The following LPCAT2 variants were observed in gnomAD, a reference collection of about 807,000 sequenced individuals.
LPCAT2 encodes the protein lysophosphatidylcholine acyltransferase 2.
Under a neutral mutation model 64.7 loss-of-function variants are expected in LPCAT2, and 58 were observed. That is an observed-to-expected ratio of 0.90 (90% CI 0.73 to 1.12). The LOEUF (loss-of-function observed/expected upper bound fraction) is 1.12. Among genes scored for constraint, LPCAT2 ranks in the 50% most tolerant of loss-of-function variants. The probability of loss-of-function intolerance (pLI) is 0.00; values close to 1 mark genes in which losing one functional copy is unlikely to be tolerated. For missense variants in LPCAT2, 579 were observed against 669.8 expected (o/e 0.86, Z 1.50); for synonymous variants, 252 against 245.3 (o/e 1.03, Z -0.26).
At chr16:55,529,045 G>A (rs1279990271) in intron 3 of LPCAT2, among the ~76,000 whole-genome samples, 1 of 152,186 alleles carries the variant, frequency 6.6e-6, no homozygotes, top group African/African-American at 2.4e-5. Context: ...ATCTCCATGA[G>A]GGACCTATGT....
intron 13 of LPCAT2, among the ~76,000 whole-genome samples, chr16:55,582,188 C>A (rs1461417505): frequency 6.6e-6 from 1 of 152,108 alleles, no homozygotes. Context: ...CATGTAACTA[C>A]CATTCAAGTC....
rs574193192 is a variant in LPCAT2 at position 55,528,711 on chromosome 16, CAT to C, written c.529+120_529+121del. ...AAAAGTTTAAAATAAACATTTCAAA[CAT>C]ATTTACTTTATTGTAATAAGTTACT... On this transcript the variant is annotated intron_variant, in intron 3 of 13. Coordinates refer to ENST00000262134, the MANE Select transcript of LPCAT2 (RefSeq NM_017839.5). The C allele has an allele frequency of 2.3e-4, 170 of 750,034 alleles. No homozygotes were observed. In the African/African-American group the frequency reaches 2.8e-3, roughly 12 times the overall value. 46.5% of individuals were successfully genotyped at this position (750,034 alleles called of 1,614,324 possible).
At chr16:55,521,909 G>A (rs1313161690) in intron 1 of LPCAT2, among the ~76,000 whole-genome samples, 1 of 150,702 alleles carries the variant, frequency 6.6e-6, no homozygotes, top group Non-Finnish European at 1.5e-5. Flanking sequence ...GTAAAATATT[G>A]AATCTGTTTC....
At chr16:55,574,077 C>T (rs1388653450) in intron 11 of LPCAT2, among the ~76,000 whole-genome samples, 4 of 152,144 alleles carry the variant, frequency 2.6e-5, no homozygotes, top group African/African-American at 9.7e-5. Context: ...GTGATGTCCC[C>T]CAGGGCTATT....
chr16:55,543,252 G>T (rs1403185507), intron 8 of LPCAT2, among the ~76,000 whole-genome samples: 1 of 152,098 alleles, frequency 6.6e-6, no homozygotes, highest in Non-Finnish European at 1.5e-5. Flanking sequence ...TATTCCTTAA[G>T]AATAAGATGT....
In LPCAT2 at chr16:55,586,626, G is replaced by C. The variant is rs1377012592; in HGVS notation, c.*3528G>C. The C allele has an allele frequency of 7.5e-6, 1 of 132,960 alleles. No homozygotes were observed. Among genetic ancestry groups the C allele is most frequent in the Non-Finnish European group, 1.5e-5 (1 of 67,664 alleles). The allele number at this position is 132,960 out of a possible 1,614,324, so 8.2% of individuals were successfully genotyped here. On this transcript the variant is annotated 3_prime_UTR_variant, in exon 14 of 14. Transcript: ENST00000262134. ...TTTTTGGAAATCTGTAACAAGCTATGTGTAATCATTCTTCTAATATTAAAC... is the reference window on the plus strand; with the variant it reads ...TTTTTGGAAATCTGTAACAAGCTATCTGTAATCATTCTTCTAATATTAAAC...
Position 55,509,306 on chromosome 16 carries a change from A to C in LPCAT2, c.125A>C (p.Asn42Thr). 1 of 1,502,110 alleles carries C rather than the reference A, an allele frequency of 6.7e-7. No individual in the cohort carries two copies. Among genetic ancestry groups the C allele is most frequent in the Non-Finnish European group, 9.0e-7 (1 of 1,117,230 alleles). 93.0% of individuals were successfully genotyped at this position (1,502,110 alleles called of 1,614,324 possible). ...QASFFPPPVP[N>T]PFVQQTQIGS... The stretch of plus-strand genomic sequence containing the variant: ...TCCTTCTTCCCGCCGCCGGTGCCGA[A>C]CCCCTTCGTGCAGCAGACGCAGATC... The change falls in exon 1 of 14, where the codon AAC (asparagine) becomes ACC (threonine). Residue 42 changes from asparagine to threonine, a missense_variant. Physicochemically the swap from Asn to Thr is moderately conservative, Grantham distance 65. Coordinates refer to ENST00000262134, the MANE Select transcript of LPCAT2 (RefSeq NM_017839.5).
rs1336780833 is a variant in LPCAT2, at chr16:55,583,626, G to A, written c.*528G>A. On this transcript the variant is annotated 3_prime_UTR_variant, in exon 14 of 14. Coordinates refer to ENST00000262134, the MANE Select transcript of LPCAT2 (RefSeq NM_017839.5). ...TGGGAAGGGAGAGCTTCACTAATTAGACGCAGCTTCTTAAGAACTTATATT... is the reference window on the plus strand; with the variant it reads ...TGGGAAGGGAGAGCTTCACTAATTAAACGCAGCTTCTTAAGAACTTATATT... 2.0e-5 allele frequency: 3 copies of A among 152,672 alleles called. No homozygotes were observed. The highest frequency in any genetic ancestry group is 1.3e-4 in the Admixed American group (2 of 15,338). The allele number at this position is 152,672 out of a possible 1,614,324, so 9.5% of individuals were successfully genotyped here. A position where few individuals can be genotyped will look rare whatever the true frequency, so the allele number is the denominator to read the frequency against.
chr16:55,536,797 T>C (rs1963329642), intron 7 of LPCAT2, among the ~76,000 whole-genome samples: 1 of 152,190 alleles, frequency 6.6e-6, no homozygotes, highest in African/African-American at 2.4e-5. Flanking sequence ...AGAGTCTAAA[T>C]ATGTACTGGA....
chr16:55,570,558 CG>C (rs1165865387), intron 11 of LPCAT2, among the ~76,000 whole-genome samples: 1 of 151,950 alleles, frequency 6.6e-6, no homozygotes, highest in African/African-American at 2.4e-5. Flanking sequence ...CGCTTGAGCC[CG>C]GGGGGTCCAG....
At chr16:55,552,291 T>C (rs1963526367) in intron 11 of LPCAT2, among the ~76,000 whole-genome samples, 1 of 152,196 alleles carries the variant, frequency 6.6e-6, no homozygotes, top group Admixed American at 6.5e-5. Context: ...TCCCTTTCAT[T>C]GCTGAGTAGT....
chr16:55,534,187 A>C (rs1295397371), intron 6 of LPCAT2, among the ~76,000 whole-genome samples: 2 of 152,166 alleles, frequency 1.3e-5, no homozygotes, highest in African/African-American at 4.8e-5. Flanking sequence ...AGCATGTAAA[A>C]TAGTTTTTAA....
chr16:55,535,808 G>A (rs1375534918), intron 7 of LPCAT2, among the ~76,000 whole-genome samples: 2 of 152,136 alleles, frequency 1.3e-5, no homozygotes, highest in Admixed American at 1.3e-4. Flanking sequence ...GTGGCCAATA[G>A]GACTTTTTTT....
chr16:55,574,734 T>G lies in LPCAT2; in HGVS notation c.1314+5T>G. ...ATCATCCAGGTGGCATTTAAGGTACTGTCAGCCCCATTGAAAGCATCTTGG... is the reference window on the plus strand; with the variant it reads ...ATCATCCAGGTGGCATTTAAGGTACGGTCAGCCCCATTGAAAGCATCTTGG... On this transcript the variant is annotated splice_donor_5th_base_variant and intron_variant, in intron 12 of 13. Coordinates refer to ENST00000262134, the MANE Select transcript of LPCAT2 (RefSeq NM_017839.5). The G allele has an allele frequency of 6.2e-7, 1 of 1,610,152 alleles. No homozygotes were observed. The highest frequency in any genetic ancestry group is 1.1e-5 in the South Asian group (1 of 91,008).
Position 55,509,102 on chromosome 16 carries a change from A to T in LPCAT2, c.-80A>T. The T allele has an allele frequency of 8.4e-7, 1 of 1,190,026 alleles. No homozygotes were observed. The allele number at this position is 1,190,026 out of a possible 1,614,324, so 73.7% of individuals were successfully genotyped here. A position where few individuals can be genotyped will look rare whatever the true frequency, so the allele number is the denominator to read the frequency against. Reference sequence around the variant, plus strand: ...CTCCCCAGCGTCGCCCTAGGCTGGGACTCTAGTAGGTCTTCGGCTCAGTTT... The same window carrying T: ...CTCCCCAGCGTCGCCCTAGGCTGGGTCTCTAGTAGGTCTTCGGCTCAGTTT... On this transcript the variant is annotated 5_prime_UTR_variant, in exon 1 of 14. Coordinates refer to ENST00000262134, the MANE Select transcript of LPCAT2 (RefSeq NM_017839.5).
intron 2 of LPCAT2, chr16:55,526,081 T>C (rs1229370840): frequency 6.6e-6 from 1 of 152,466 alleles, no homozygotes; most frequent in Non-Finnish European, 1.5e-5. Context: ...GTGGCATAAG[T>C]GGATTAGTTA....
chr16:55,561,930 C>A (rs1225225767), intron 11 of LPCAT2, among the ~76,000 whole-genome samples: 1 of 152,014 alleles, frequency 6.6e-6, no homozygotes, highest in Non-Finnish European at 1.5e-5. Flanking sequence ...GGACATTGCT[C>A]TCATGTCCTA....
intron 11 of LPCAT2, among the ~76,000 whole-genome samples, chr16:55,566,498 T>A (rs375340116): frequency 4.7e-4 from 71 of 152,264 alleles, no homozygotes; most frequent in African/African-American, 1.7e-3. Context: ...TCCTAAGGTG[T>A]CCTACATACT....
intron 8 of LPCAT2, among the ~76,000 whole-genome samples, chr16:55,543,096 G>A (rs191616539): frequency 4.1e-4 from 62 of 152,258 alleles, no homozygotes; most frequent in South Asian, 8.3e-4. Context: ...AAATGGAAAT[G>A]TGATATAGAG....
Sources: gnomAD v4.1 joint callset for allele counts (sites outside exome capture counted in the v4.1 genomes callset) on GRCh38, gnomAD v4.1.1 for gene constraint, MANE v1.5 for transcripts, NCBI Gene and HGNC (gene_info 2026-07-23, HGNC 2026-07-21) for gene names.